EPB41L2: variants seen among roughly 807,000 people sequenced by gnomAD.
EPB41L2 encodes the protein erythrocyte membrane protein band 4.1 like 2, also known as band 4.1-like protein 2.
A neutral mutation model predicts 113.0 loss-of-function variants in EPB41L2; 43 were observed. That is an observed-to-expected ratio of 0.38 (90% CI 0.30 to 0.49). The LOEUF is 0.49. Among genes scored for constraint, EPB41L2 ranks in the 20% least tolerant of loss-of-function variants. The pLI is 0.95. For synonymous variants in EPB41L2, 442 were observed against 436.7 expected, an observed-to-expected ratio of 1.01 and a Z score of -0.15; for missense variants, 1,147 against 1,223.4, an observed-to-expected ratio of 0.94 and a Z score of 0.93.
chr6:131,061,273 A>G (rs1584857074), intron 1 of EPB41L2, among the ~76,000 whole-genome samples: 1 of 152,234 alleles, frequency 6.6e-6, no homozygotes, highest in African/African-American at 2.4e-5. Context: ...AATTCTGCCC[A>G]AGAAGTGAGG....
At position 130,956,037 on chromosome 6, in the gene EPB41L2, ACTGAGGGTTTTTCTTCCTTGACTT is replaced by A; in HGVS notation, c.425_448del (p.Glu142_Ser149del). The stretch of plus-strand genomic sequence containing the variant: ...CACTGAGGGTTTTTCTTCCTTGCTC[ACTGAGGGTTTTTCTTCCTTGACTT>A]CAACTTTAATCTCTTGTTTCTTCTG... On this transcript the variant is annotated inframe_deletion, in exon 2 of 20. Transcript: ENST00000337057. 1.2e-6 allele frequency: 2 copies of A among 1,613,600 alleles called. No homozygotes were observed. The highest frequency in any genetic ancestry group is 1.7e-6 in the Non-Finnish European group (2 of 1,179,878).
intron 3 of EPB41L2, among the ~76,000 whole-genome samples, chr6:130,950,112 A>G (rs183090903): frequency 2.2e-4 from 33 of 152,288 alleles, no homozygotes; most frequent in African/African-American, 7.7e-4. Context: ...TCAAGGGTCA[A>G]CTGTATTTCA....
intron 1 of EPB41L2, among the ~76,000 whole-genome samples, chr6:130,965,209 C>T (rs1774753671): frequency 6.6e-6 from 1 of 152,142 alleles, no homozygotes; most frequent in African/African-American, 2.4e-5. Flanking sequence ...TGAAAGAATC[C>T]TGCTCTCAGT....
At chr6:131,028,691 C>T (rs1791410867) in intron 1 of EPB41L2, among the ~76,000 whole-genome samples, 1 of 152,106 alleles carries the variant, frequency 6.6e-6, no homozygotes, top group Admixed American at 6.6e-5. Context: ...ATTAATATCG[C>T]ATAAAACCAG....
At position 130,880,180 on chromosome 6, in the gene EPB41L2, ATCCCCTTCTACTC is replaced by A; in HGVS notation, c.1847_1859del (p.Arg616IlefsTer10). On this transcript the variant is annotated frameshift_variant, in exon 13 of 20. Coordinates refer to ENST00000337057, the MANE Select transcript of EPB41L2 (RefSeq NM_001431.4). LOFTEE classifies it high-confidence loss of function. ...AATTGCTATGTCTGACATAAATATTATCCCCTTCTACTCTCAAGGAATTTTTCTGTGAAATTAA... is the reference window on the plus strand; with the variant it reads ...AATTGCTATGTCTGACATAAATATTATCAAGGAATTTTTCTGTGAAATTAA... 6.2e-7 allele frequency: 1 copy of A among 1,610,322 alleles called. No individual in the cohort carries two copies. Among genetic ancestry groups the A allele is most frequent in the South Asian group, 1.1e-5 (1 of 90,948 alleles).
At chr6:131,047,850 A>C (rs183504836) in intron 1 of EPB41L2, among the ~76,000 whole-genome samples, 208 of 152,324 alleles carry the variant, frequency 1.4e-3, no homozygotes, top group Non-Finnish European at 2.2e-3. Context: ...GAAAAGAAAA[A>C]AGAAAAATCG....
At chr6:130,980,294 A>T (rs954804421) in intron 1 of EPB41L2, among the ~76,000 whole-genome samples, 2 of 152,186 alleles carry the variant, frequency 1.3e-5, no homozygotes, top group Non-Finnish European at 2.9e-5. Flanking sequence ...TCTAGGATTC[A>T]GGGGAGATGT....
intron 5 of EPB41L2, among the ~76,000 whole-genome samples, chr6:130,905,743 T>A (rs2128505185): frequency 6.6e-6 from 1 of 152,262 alleles, no homozygotes; most frequent in Middle Eastern, 3.4e-3. Flanking sequence ...CTATACATAT[T>A]TAAAGACCTT....
intron 5 of EPB41L2, among the ~76,000 whole-genome samples, chr6:130,905,437 G>A (rs1456727580): frequency 7.7e-5 from 10 of 130,064 alleles, no homozygotes; most frequent in Middle Eastern, 4.0e-3. Flanking sequence ...TTTTTTTTCT[G>A]AGACAGAGTC....
At chr6:130,902,358 C>G (rs1362225542) in intron 6 of EPB41L2, among the ~76,000 whole-genome samples, 1 of 152,182 alleles carries the variant, frequency 6.6e-6, no homozygotes. Context: ...CAGGTCAGTT[C>G]AGAACCTGGA....
At chr6:130,928,487 A>C (rs1231361659) in intron 3 of EPB41L2, among the ~76,000 whole-genome samples, 1 of 152,256 alleles carries the variant, frequency 6.6e-6, no homozygotes, top group Non-Finnish European at 1.5e-5. Flanking sequence ...TAGGGTAAAA[A>C]GGATATTTAA....
intron 16 of EPB41L2, among the ~76,000 whole-genome samples, chr6:130,866,555 C>T (rs1458086820): frequency 1.3e-5 from 2 of 152,148 alleles, no homozygotes; most frequent in Non-Finnish European, 2.9e-5. Context: ...CCTATTTGTG[C>T]TTATGTGGGA....
At chr6:131,019,632 T>G (rs1487950763) in intron 1 of EPB41L2, among the ~76,000 whole-genome samples, 2 of 152,298 alleles carry the variant, frequency 1.3e-5, no homozygotes, top group East Asian at 3.9e-4. Context: ...ATAAAATGCT[T>G]TATCTAGCAA....
intron 1 of EPB41L2, among the ~76,000 whole-genome samples, chr6:131,001,489 T>C (rs1784377069): frequency 6.6e-6 from 1 of 152,120 alleles, no homozygotes; most frequent in Admixed American, 6.5e-5. Context: ...AAAAAAGAAT[T>C]TATTTTTTTA....
chr6:130,908,787 C>A, intron 5 of EPB41L2, 34 bp downstream of exon 5: 1 of 1,521,912 alleles, frequency 6.6e-7, no homozygotes, highest in South Asian at 1.2e-5. Context: ...ATCAAGACAC[C>A]TTAACTTCAA....
chr6:130,940,636 T>C lies in EPB41L2; in HGVS notation c.706-13927A>G, dbSNP rs867204311. On this transcript the variant is annotated intron_variant, in intron 3 of 19. Transcript: ENST00000337057. ...GCCCCCTCACCATGCTCAGTTAATT[T>C]TTGTATTTTTAGTAGAGATGGGGTT... is the stretch of plus-strand genomic sequence containing the variant. Among the ~76,000 whole-genome samples the C allele has an allele frequency of 3.3e-5, 5 of 152,020 alleles. No homozygotes were observed. In the South Asian group the frequency reaches 6.2e-4, roughly 19 times the overall value.
chr6:130,931,809 TC>T (rs2128563174), intron 3 of EPB41L2, among the ~76,000 whole-genome samples: 1 of 152,224 alleles, frequency 6.6e-6, no homozygotes, highest in African/African-American at 2.4e-5. Context: ...TCTGGTATGT[TC>T]CATCTTTCTT....
At chr6:131,051,452 CA>C (rs547631535) in intron 1 of EPB41L2, among the ~76,000 whole-genome samples, 22 of 101,786 alleles carry the variant, frequency 2.2e-4, no homozygotes, top group Admixed American at 3.9e-4. Flanking sequence ...AAAAGTAAAG[CA>C]AAAAAAAAAA....
At chr6:131,043,859 C>T (rs192591299) in intron 1 of EPB41L2, among the ~76,000 whole-genome samples, 80 of 152,138 alleles carry the variant, frequency 5.3e-4, no homozygotes, top group African/African-American at 1.8e-3. Context: ...CTGGGAATTG[C>T]TTCCAAATAA....
Sources: gnomAD v4.1 joint callset for allele counts (sites outside exome capture counted in the v4.1 genomes callset) on GRCh38, gnomAD v4.1.1 for gene constraint, MANE v1.5 for transcripts, NCBI Gene and HGNC (gene_info 2026-07-23, HGNC 2026-07-21) for gene names.